The following RBFOX1 variants were observed in gnomAD, a reference collection of about 807,000 sequenced individuals.
RBFOX1 encodes the protein RNA binding protein fox-1 homolog 1.
A neutral mutation model predicts 57.7 loss-of-function variants in RBFOX1; 8 were observed. The observed-to-expected ratio is 0.14, with a 90% CI of 0.08 to 0.25. The LOEUF is 0.25. Among genes scored for constraint, RBFOX1 ranks in the 10% least tolerant of loss-of-function variants. RBFOX1 has a pLI of 1.00. For missense variants in RBFOX1, 611 were observed against 548.5 expected, an observed-to-expected ratio of 1.11 and a Z score of -1.14; for synonymous variants, 326 against 222.4, an observed-to-expected ratio of 1.47 and a Z score of -4.15.
intron 3 of RBFOX1, among the ~76,000 whole-genome samples, chr16:6,995,290 TTG>T (rs57039390): frequency 0.054 from 7,516 of 138,238 alleles, 333 homozygotes; most frequent in African/African-American, 0.12. Flanking sequence ...GAAAGTAGCC[TTG>T]TGTGTGTGTG....
At chr16:7,493,523 C>T (rs1019998708) in intron 4 of RBFOX1, among the ~76,000 whole-genome samples, 4 of 152,128 alleles carry the variant, frequency 2.6e-5, no homozygotes, top group African/African-American at 9.7e-5. Context: ...CTATAGTATC[C>T]AGATGAGTCC....
intron 3 of RBFOX1, among the ~76,000 whole-genome samples, chr16:5,768,480 C>T (rs895419201): frequency 3.3e-5 from 5 of 152,266 alleles, no homozygotes; most frequent in Admixed American, 6.5e-5. Flanking sequence ...GGAAGGGGTA[C>T]GTGGCAGACA....
At chr16:5,805,760 A>G (rs2055205307) in intron 3 of RBFOX1, among the ~76,000 whole-genome samples, 1 of 152,182 alleles carries the variant, frequency 6.6e-6, no homozygotes, top group African/African-American at 2.4e-5. Flanking sequence ...ACCAACCCAT[A>G]TTCTAGCAGA....
intron 4 of RBFOX1, among the ~76,000 whole-genome samples, chr16:5,879,324 C>T: frequency 6.6e-6 from 1 of 152,174 alleles, no homozygotes; most frequent in East Asian, 1.9e-4. Flanking sequence ...CGTATTTGGA[C>T]TAGGTTCTTT....
chr16:6,420,147 G>A (rs1221634334), intron 2 of RBFOX1, among the ~76,000 whole-genome samples: 1 of 151,988 alleles, frequency 6.6e-6, no homozygotes. Flanking sequence ...CCGTTGTCTT[G>A]CCTGCTTCAA....
intron 2 of RBFOX1, among the ~76,000 whole-genome samples, chr16:6,510,869 GA>G (rs1349610737): frequency 6.6e-6 from 1 of 151,076 alleles, no homozygotes; most frequent in African/African-American, 2.5e-5. Flanking sequence ...AAAAAAAAAG[GA>G]AAAAAAGGTA....
chr16:5,569,217 A>G (rs1567240317), intron 2 of RBFOX1, among the ~76,000 whole-genome samples: 1 of 151,986 alleles, frequency 6.6e-6, no homozygotes, highest in African/African-American at 2.4e-5. Context: ...GCATTGGTGG[A>G]GCCGGGTAAA....
intron 2 of RBFOX1, among the ~76,000 whole-genome samples, chr16:5,540,260 G>A (rs1319140432): frequency 2.6e-5 from 4 of 152,208 alleles, no homozygotes; most frequent in African/African-American, 4.8e-5. Flanking sequence ...AGCTTGCAGG[G>A]TCTTAATAGG....
intron 3 of RBFOX1, among the ~76,000 whole-genome samples, chr16:6,922,013 G>A (rs1411933921): frequency 6.6e-6 from 1 of 152,112 alleles, no homozygotes; most frequent in African/African-American, 2.4e-5. Context: ...AACACCTTGT[G>A]GCTATTTAAT....
intron 1 of RBFOX1, among the ~76,000 whole-genome samples, chr16:6,185,556 C>T (rs1394903236): frequency 1.3e-5 from 2 of 152,204 alleles, no homozygotes; most frequent in Non-Finnish European, 2.9e-5. Flanking sequence ...ACGATGAAAT[C>T]GTGTTTGCAA....
chr16:6,278,059 T>A (rs2076011134), intron 1 of RBFOX1, among the ~76,000 whole-genome samples: 1 of 152,122 alleles, frequency 6.6e-6, no homozygotes, highest in Non-Finnish European at 1.5e-5. Context: ...TAGGAGTTCA[T>A]TGGACATAGG....
intron 1 of RBFOX1, among the ~76,000 whole-genome samples, chr16:5,405,088 C>T (rs1283442261): frequency 6.6e-6 from 1 of 152,164 alleles, no homozygotes; most frequent in African/African-American, 2.4e-5. Context: ...TTGAGCAGCT[C>T]ATTCATCATC....
intron 1 of RBFOX1, among the ~76,000 whole-genome samples, chr16:6,241,874 A>G (rs1488442922): frequency 6.6e-6 from 1 of 152,236 alleles, no homozygotes; most frequent in East Asian, 1.9e-4. Flanking sequence ...AGCCCAACAC[A>G]TTGACACATG....
At chr16:6,579,116 C>G (rs528613191) in intron 2 of RBFOX1, among the ~76,000 whole-genome samples, 5 of 152,168 alleles carry the variant, frequency 3.3e-5, no homozygotes, top group African/African-American at 1.2e-4. Context: ...ATGTTTTCTT[C>G]TATTTTGGTT....
intron 3 of RBFOX1, among the ~76,000 whole-genome samples, chr16:5,685,468 A>C (rs2050476925): frequency 6.6e-6 from 1 of 152,192 alleles, no homozygotes; most frequent in Non-Finnish European, 1.5e-5. Context: ...TGATTTTGAC[A>C]TATTGTCCCA....
intron 2 of RBFOX1, among the ~76,000 whole-genome samples, chr16:6,577,869 T>C (rs2097465265): frequency 6.6e-6 from 1 of 152,162 alleles, no homozygotes; most frequent in South Asian, 2.1e-4. Flanking sequence ...TGGAAGGATA[T>C]TTTATTTATT....
At chr16:5,579,095 G>A (rs922889558) in intron 2 of RBFOX1, among the ~76,000 whole-genome samples, 2 of 152,014 alleles carry the variant, frequency 1.3e-5, no homozygotes, top group East Asian at 3.9e-4. Flanking sequence ...TGATCCCACT[G>A]CCTCAGCCTC....
intron 3 of RBFOX1, among the ~76,000 whole-genome samples, chr16:5,793,077 C>T (rs868850349): frequency 1.3e-5 from 2 of 152,168 alleles, no homozygotes; most frequent in Non-Finnish European, 2.9e-5. Context: ...ATGTACTTCC[C>T]GTTTTCCAGA....
intron 3 of RBFOX1, among the ~76,000 whole-genome samples, chr16:6,726,174 C>A (rs777319745): frequency 6.6e-6 from 1 of 152,078 alleles, no homozygotes; most frequent in Non-Finnish European, 1.5e-5. Flanking sequence ...ATGGATCCTG[C>A]GTTTCATGCA....
Sources: gnomAD v4.1 joint callset for allele counts (sites outside exome capture counted in the v4.1 genomes callset) on GRCh38, gnomAD v4.1.1 for gene constraint, MANE v1.5 for transcripts, NCBI Gene and HGNC (gene_info 2026-07-23, HGNC 2026-07-21) for gene names.